The following CA10 variants were observed in gnomAD, a reference collection of about 807,000 sequenced individuals.
CA10 encodes the protein carbonic anhydrase 10 (inactive).
Under a neutral mutation model 44.2 loss-of-function variants are expected in CA10, and 14 were observed. That is an observed-to-expected ratio of 0.32 (90% CI 0.21 to 0.50). The LOEUF (loss-of-function observed/expected upper bound fraction) is 0.50, where lower values mean the gene tolerates loss of function less well. Among genes scored for constraint, CA10 ranks in the 20% least tolerant of loss-of-function variants. The pLI is 0.99. For synonymous variants in CA10, 159 were observed against 141.6 expected, an observed-to-expected ratio of 1.12 and a Z score of -0.87; for missense variants, 350 against 409.7, an observed-to-expected ratio of 0.85 and a Z score of 1.26.
intron 4 of CA10, among the ~76,000 whole-genome samples, chr17:51,688,219 G>A (rs915094653): frequency 2.6e-4 from 40 of 152,260 alleles, no homozygotes; most frequent in African/African-American, 9.1e-4. Flanking sequence ...GCCTTCAGAT[G>A]ACTTCTGCCT....
At chr17:51,899,914 T>G (rs1298505386) in intron 3 of CA10, among the ~76,000 whole-genome samples, 5 of 150,902 alleles carry the variant, frequency 3.3e-5, no homozygotes, top group Admixed American at 6.6e-5. Flanking sequence ...CCCTTTACTT[T>G]GAGACTATGG....
At chr17:51,746,599 A>G (rs1904696332) in intron 4 of CA10, among the ~76,000 whole-genome samples, 1 of 152,202 alleles carries the variant, frequency 6.6e-6, no homozygotes, top group South Asian at 2.1e-4. Flanking sequence ...GCATGACATT[A>G]TACTTTAATG....
intron 2 of CA10, among the ~76,000 whole-genome samples, chr17:52,030,315 T>A (rs556400470): frequency 3.3e-5 from 5 of 151,886 alleles, no homozygotes; most frequent in African/African-American, 1.2e-4. Flanking sequence ...CTCTTAACGA[T>A]GAGTTGCAAA....
chr17:51,844,716 C>T (rs1978413115), intron 3 of CA10, among the ~76,000 whole-genome samples: 1 of 152,106 alleles, frequency 6.6e-6, no homozygotes, highest in South Asian at 2.1e-4. Context: ...AAAATATGTC[C>T]ACAAAAGAGG....
chr17:51,832,641 T>C (rs1301341252), intron 3 of CA10, among the ~76,000 whole-genome samples: 1 of 152,238 alleles, frequency 6.6e-6, no homozygotes, highest in Admixed American at 6.5e-5. Context: ...AGTAGCAGAT[T>C]GCCTGATGAC....
chr17:51,950,961 GAAT>G (rs1025263216), intron 2 of CA10, among the ~76,000 whole-genome samples: 1 of 152,022 alleles, frequency 6.6e-6, no homozygotes, highest in African/African-American at 2.4e-5. Context: ...ATACATAGAT[GAAT>G]AATATTTTCC....
chr17:52,128,216 G>A (rs1323248755), intron 1 of CA10, among the ~76,000 whole-genome samples: 3 of 152,130 alleles, frequency 2.0e-5, no homozygotes, highest in Non-Finnish European at 4.4e-5. Flanking sequence ...ATCAGGCATT[G>A]CTTTCTACCT....
intron 4 of CA10, among the ~76,000 whole-genome samples, chr17:51,711,913 G>A (rs765098763): frequency 5.9e-5 from 9 of 152,176 alleles, no homozygotes; most frequent in Non-Finnish European, 1.2e-4. Flanking sequence ...TGGCTGTGAG[G>A]TGTAATCAGA....
chr17:51,778,742 C>A (rs1429770978), intron 3 of CA10, among the ~76,000 whole-genome samples: 1 of 152,138 alleles, frequency 6.6e-6, no homozygotes, highest in Non-Finnish European at 1.5e-5. Flanking sequence ...TTTCTGTTTC[C>A]GAAACAATCA....
At chr17:52,045,295 A>G (rs1010255719) in intron 2 of CA10, among the ~76,000 whole-genome samples, 9 of 152,004 alleles carry the variant, frequency 5.9e-5, no homozygotes, top group African/African-American at 1.7e-4. Flanking sequence ...GAGCTCTGCA[A>G]TATTTCAAAG....
rs146324834 is a variant in CA10, at chr17:52,101,436, T to A, written c.62-29043A>T. Among the ~76,000 whole-genome samples the A allele has an allele frequency of 4.1e-3, 621 of 152,158 alleles. 4 individuals are homozygous for A. The highest frequency in any genetic ancestry group is 0.014 in the African/African-American group (589 of 41,508). ...TCCAGTTAAAATCAGCCAAACAAATTCTCTGTTAAGTGGCAGGTCATAAGA... is the reference window on the plus strand; with the variant it reads ...TCCAGTTAAAATCAGCCAAACAAATACTCTGTTAAGTGGCAGGTCATAAGA... On this transcript the variant is annotated intron_variant, in intron 1 of 8. Transcript: ENST00000451037.
chr17:52,075,268 A>G (rs1987788223), intron 1 of CA10, among the ~76,000 whole-genome samples: 1 of 152,200 alleles, frequency 6.6e-6, no homozygotes. Flanking sequence ...AAGAAGATAA[A>G]ATGAAGAAGT....
chr17:51,918,991 T>C (rs986975221), intron 3 of CA10, among the ~76,000 whole-genome samples: 10 of 152,184 alleles, frequency 6.6e-5, no homozygotes, highest in African/African-American at 2.2e-4. Context: ...GCTCAGATGT[T>C]CAACTGCCTA....
chr17:51,631,645 A>G, intron 8 of CA10, 39 bp from the exon 9 acceptor site: 1 of 1,562,978 alleles, frequency 6.4e-7, no homozygotes, highest in Non-Finnish European at 8.8e-7. Flanking sequence ...TCACACATAC[A>G]ACATAAAACG....
chr17:51,781,792 T>C (rs1301927249), intron 3 of CA10, among the ~76,000 whole-genome samples: 1 of 152,210 alleles, frequency 6.6e-6, no homozygotes, highest in African/African-American at 2.4e-5. Flanking sequence ...CATGTAACAG[T>C]TTTTGAATTC....
chr17:51,952,354 T>C (rs1983515931), intron 2 of CA10, among the ~76,000 whole-genome samples: 1 of 152,108 alleles, frequency 6.6e-6, no homozygotes, highest in South Asian at 2.1e-4. Context: ...AGTGAGGTTA[T>C]ATTCTGAGGT....
chr17:51,961,956 T>C (rs1983908979), intron 2 of CA10, among the ~76,000 whole-genome samples: 1 of 152,074 alleles, frequency 6.6e-6, no homozygotes, highest in Admixed American at 6.5e-5. Flanking sequence ...CTCCACTTCA[T>C]GCCCAAGCAG....
At chr17:51,700,546 C>A (rs148991715) in intron 4 of CA10, among the ~76,000 whole-genome samples, 682 of 152,302 alleles carry the variant, frequency 4.5e-3, no homozygotes, top group Non-Finnish European at 6.4e-3. Flanking sequence ...TTGTTCCCCA[C>A]CTGTGCTTGG....
At chr17:51,766,374 T>C (rs1198631196) in intron 3 of CA10, among the ~76,000 whole-genome samples, 1 of 152,224 alleles carries the variant, frequency 6.6e-6, no homozygotes, top group Non-Finnish European at 1.5e-5. Flanking sequence ...GGCTCTGATC[T>C]GGCAGGGAGA....
Sources: allele counts gnomAD v4.1 joint callset (sites outside exome capture counted in the v4.1 genomes callset), GRCh38; gene constraint gnomAD v4.1.1; transcripts MANE v1.5; gene names NCBI Gene and HGNC (gene_info 2026-07-23, HGNC 2026-07-21).